Variants in UFD1 observed in about 807,000 individuals in gnomAD.
The protein encoded by UFD1 is ubiquitin recognition factor in ER-associated degradation protein 1.
In UFD1, 13 loss-of-function variants were observed where a neutral mutation model predicts 45.9. The observed-to-expected ratio is 0.28, with a 90% CI of 0.18 to 0.45. The LOEUF (loss-of-function observed/expected upper bound fraction) is 0.45. Ranked by LOEUF, UFD1 falls within the 20% of genes least tolerant of loss-of-function variation. The probability of loss-of-function intolerance (pLI) is 1.00; values close to 1 mark genes in which losing one functional copy is unlikely to be tolerated. For missense variants in UFD1, 218 were observed against 389.2 expected (o/e 0.56, Z 3.70); for synonymous variants, 128 against 139.2 (o/e 0.92, Z 0.56).
chr22:19,466,472 C>T (rs542117566), intron 5 of UFD1: 2 of 152,424 alleles, frequency 1.3e-5, no homozygotes, highest in South Asian at 4.1e-4. Context: ...GGAAGTGACG[C>T]CCTTTCTCCA....
chr22:19,473,141 C>T (rs1470040017), intron 3 of UFD1, among the ~76,000 whole-genome samples: 2 of 152,176 alleles, frequency 1.3e-5, no homozygotes, highest in Non-Finnish European at 2.9e-5. Flanking sequence ...CTCTCAGCTG[C>T]ACAGCCATGG....
At chr22:19,455,473 G>A (rs1176129187) in intron 10 of UFD1, among the ~76,000 whole-genome samples, 1 of 152,124 alleles carries the variant, frequency 6.6e-6, no homozygotes, top group African/African-American at 2.4e-5. Context: ...TATGGAGAGA[G>A]GCTGGACCAC....
At chr22:19,473,035 A>C (rs2089857076) in intron 3 of UFD1, among the ~76,000 whole-genome samples, 1 of 152,238 alleles carries the variant, frequency 6.6e-6, no homozygotes, top group Non-Finnish European at 1.5e-5. Context: ...CTCTGAGAGT[A>C]GCATGGAGGT....
At chr22:19,451,981 G>A (rs1410281097) in intron 11 of UFD1, 1 of 977,144 alleles carries the variant, frequency 1.0e-6, no homozygotes, top group Non-Finnish European at 1.2e-6. Flanking sequence ...TTTTAGTGAG[G>A]AACACCTCCT....
intron 6 of UFD1, among the ~76,000 whole-genome samples, chr22:19,459,627 A>G (rs1053088160): frequency 4.6e-5 from 7 of 152,026 alleles, no homozygotes; most frequent in Non-Finnish European, 8.8e-5. Context: ...AAACAAACAA[A>G]CAAACAAGCA....
At chr22:19,459,211 A>T (rs2089746198) in intron 6 of UFD1, among the ~76,000 whole-genome samples, 1 of 152,234 alleles carries the variant, frequency 6.6e-6, no homozygotes, top group South Asian at 2.1e-4. Flanking sequence ...ATGTAAATTT[A>T]CAGTTATACA....
At chr22:19,451,533 A>G (rs2089682782) in intron 11 of UFD1, 24 of 985,014 alleles carry the variant, frequency 2.4e-5, no homozygotes, top group Non-Finnish European at 2.8e-5. Flanking sequence ...AACTGCACAT[A>G]TTTTTTTTCA....
At chr22:19,471,895 A>C in intron 3 of UFD1, 87 bp from the exon 4 acceptor site, 1 of 1,535,846 alleles carries the variant, frequency 6.5e-7, no homozygotes, top group South Asian at 1.3e-5. Context: ...GAGCCTCCCC[A>C]CAATCCTGCC....
rs1439397460 is a variant in UFD1 at position 19,450,251 on chromosome 22, A to G, written c.*419T>C. 1 of 158,460 alleles carries G rather than the reference A, an allele frequency of 6.3e-6. No individual in the cohort carries two copies. Among genetic ancestry groups the G allele is most frequent in the Non-Finnish European group, 1.4e-5 (1 of 71,722 alleles). 9.8% of individuals were successfully genotyped at this position (158,460 alleles called of 1,614,324 possible). On this transcript the variant is annotated 3_prime_UTR_variant, in exon 12 of 12. Transcript: ENST00000263202. ...TCTATTTAAAGCCTTTTTTTAGGCC[A>G]AAGACTGACACCTATGCAATTGATG...
At chr22:19,470,069 G>C (rs1482676089) in intron 4 of UFD1, 2 of 509,908 alleles carry the variant, frequency 3.9e-6, no homozygotes, top group South Asian at 1.4e-5. Context: ...CAGTGACCAG[G>C]TGTTCTACCG....
chr22:19,475,191 G>A (rs2089872827), intron 2 of UFD1, 91 bp from the exon 3 acceptor site: 1 of 1,328,498 alleles, frequency 7.5e-7, no homozygotes, highest in Non-Finnish European at 1.0e-6. Context: ...CTAACAAAAA[G>A]CCTTAAACTG....
At chr22:19,470,444 G>GT (rs1464639564) in intron 4 of UFD1, among the ~76,000 whole-genome samples, 2 of 120,886 alleles carry the variant, frequency 1.7e-5, no homozygotes, top group Non-Finnish European at 4.2e-5. Context: ...TCATATTATT[G>GT]TTGTTTTTTT....
Position 19,465,177 on chromosome 22 carries a change from AATGACCTGC to A in UFD1, c.495+16_495+24del. 3 of 1,612,600 alleles carry A rather than the reference AATGACCTGC, an allele frequency of 1.9e-6. No homozygotes were observed. Among genetic ancestry groups the A allele is most frequent in the Non-Finnish European group, 2.5e-6 (3 of 1,178,580 alleles). On this transcript the variant is annotated intron_variant, in intron 6 of 11. Transcript: ENST00000263202. ...GACACTGCAGGTGGCTCTTGTCAGGAATGACCTGCATGAACTGGGCTCACCTTTTCATTA... is the reference window on the plus strand; with the variant it reads ...GACACTGCAGGTGGCTCTTGTCAGGAATGAACTGGGCTCACCTTTTCATTA...
At chr22:19,455,882 G>GGCTTC in intron 9 of UFD1, 114 bp from the exon 10 acceptor site, 1 of 933,530 alleles carries the variant, frequency 1.1e-6, no homozygotes, top group Non-Finnish European at 1.7e-6. Flanking sequence ...ACCCCTTCAG[G>GGCTTC]ACTGAAGCCC....
chr22:19,459,412 A>T (rs933603431), intron 6 of UFD1, among the ~76,000 whole-genome samples: 1 of 152,198 alleles, frequency 6.6e-6, no homozygotes, highest in Non-Finnish European at 1.5e-5. Flanking sequence ...CAGGCAAATG[A>T]GACCATCCTT....
intron 7 of UFD1, among the ~76,000 whole-genome samples, chr22:19,457,311 C>T (rs1373273515): frequency 6.6e-6 from 1 of 152,212 alleles, no homozygotes. Context: ...CTCCCAGCCC[C>T]CTCCACCAGT....
intron 3 of UFD1, among the ~76,000 whole-genome samples, chr22:19,474,013 A>C (rs943723570): frequency 6.6e-6 from 1 of 152,184 alleles, no homozygotes; most frequent in Non-Finnish European, 1.5e-5. Context: ...TGGGTTGTCC[A>C]TGATAGGGAT....
intron 6 of UFD1, among the ~76,000 whole-genome samples, chr22:19,459,672 T>C (rs1471242434): frequency 6.6e-6 from 1 of 150,844 alleles, no homozygotes; most frequent in Non-Finnish European, 1.5e-5. Context: ...AAATTAAAAG[T>C]GGCCCTATCT....
intron 1 of UFD1, among the ~76,000 whole-genome samples, chr22:19,477,760 T>C (rs1268446465): frequency 6.6e-6 from 1 of 152,138 alleles, no homozygotes; most frequent in Non-Finnish European, 1.5e-5. Context: ...GTAGAAGGAA[T>C]GCCACCTACT....
Sources: allele counts gnomAD v4.1 joint callset (sites outside exome capture counted in the v4.1 genomes callset), GRCh38; gene constraint gnomAD v4.1.1; transcripts MANE v1.5; gene names NCBI Gene and HGNC (gene_info 2026-07-23, HGNC 2026-07-21).